PDRG1: variants seen among roughly 807,000 people sequenced by gnomAD.
The protein encoded by PDRG1 is p53 and DNA damage-regulated protein 1.
A neutral mutation model predicts 18.4 loss-of-function variants in PDRG1; 14 were observed. The observed-to-expected ratio is 0.76, with a 90% CI of 0.50 to 1.19. The LOEUF (loss-of-function observed/expected upper bound fraction) is 1.19, where lower values mean the gene tolerates loss of function less well. Ranked by LOEUF, PDRG1 falls within the 50% of genes most tolerant of loss-of-function variation. PDRG1 has a pLI of 0.00. For synonymous variants in PDRG1, 65 were observed against 60.9 expected, an observed-to-expected ratio of 1.07 and a Z score of -0.31; for missense variants, 177 against 160.1, an observed-to-expected ratio of 1.11 and a Z score of -0.57.
intron 1 of PDRG1, among the ~76,000 whole-genome samples, chr20:31,951,142 C>G (rs1038014527): frequency 1.3e-5 from 2 of 152,184 alleles, no homozygotes; most frequent in African/African-American, 2.4e-5. Flanking sequence ...AAGTTTTCCC[C>G]TTCTCAGTAA....
chr20:31,946,606 T>C (rs781136991), intron 3 of PDRG1, 30 bp from the exon 4 acceptor site: 1 of 1,566,810 alleles, frequency 6.4e-7, no homozygotes, highest in African/African-American at 1.4e-5. Flanking sequence ...AAGCAGAGGA[T>C]AAGATTGTAC....
intron 1 of PDRG1, 111 bp from the exon 2 acceptor site, chr20:31,950,498 T>C: frequency 1.3e-6 from 1 of 790,140 alleles, no homozygotes; most frequent in South Asian, 1.5e-5. Context: ...ACATTCAACG[T>C]CCTGCCTAAA....
At chr20:31,951,224 G>C (rs957311923) in intron 1 of PDRG1, among the ~76,000 whole-genome samples, 1 of 152,104 alleles carries the variant, frequency 6.6e-6, no homozygotes, top group African/African-American at 2.4e-5. Context: ...GGCCTACTGA[G>C]TCTGTCTCCA....
chr20:31,948,941 A>C lies in PDRG1; in HGVS notation c.164-59T>G, dbSNP rs199505836. 22 of 1,516,648 alleles carry C rather than the reference A, an allele frequency of 1.5e-5. No individual in the cohort carries two copies. In the East Asian group the frequency reaches 5.0e-4, roughly 34 times the overall value. The allele number at this position is 1,516,648 out of a possible 1,614,324, so 93.9% of individuals were successfully genotyped here. A position where few individuals can be genotyped will look rare whatever the true frequency, so the allele number is the denominator to read the frequency against. On this transcript the variant is annotated intron_variant, in intron 2 of 4. Coordinates refer to ENST00000202017, the MANE Select transcript of PDRG1 (RefSeq NM_030815.3). ...TTTTTTTGAGTACCTATTATCTGCC[A>C]GGCATTGTTTTAGATACAGACAACA...
intron 3 of PDRG1, among the ~76,000 whole-genome samples, chr20:31,948,210 C>G (rs2064330587): frequency 6.6e-6 from 1 of 152,238 alleles, no homozygotes. Context: ...AAAGCTCACT[C>G]TCCCAGGCTC....
Position 31,944,772 on chromosome 20 carries a change from G to A in PDRG1, c.*1035C>T, listed in dbSNP as rs1228868437. On this transcript the variant is annotated 3_prime_UTR_variant, in exon 5 of 5. Coordinates refer to ENST00000202017, the MANE Select transcript of PDRG1 (RefSeq NM_030815.3). ...ACAGCCTGTGTTTCTATGTAACTAT[G>A]AGCCAGAGCCAAGGAGCGGGGGGAC... is the stretch of plus-strand genomic sequence containing the variant. 6.6e-6 allele frequency: 1 copy of A among 152,204 alleles called. No homozygotes were observed. Among genetic ancestry groups the A allele is most frequent in the East Asian group, 1.9e-4 (1 of 5,186 alleles). 9.4% of individuals were successfully genotyped at this position (152,204 alleles called of 1,614,324 possible).
chr20:31,946,549 T>C lies in PDRG1; in HGVS notation c.266A>G (p.Glu89Gly), dbSNP rs1371263255. ...KDQDHLDKEI[E>G]KLRKQLKVKV... ...CACTTTAAGTTGCTTCCGCAGTTTTTCTATTTCTTTATCCAGATGATCTTG... is the reference window on the plus strand; with the variant it reads ...CACTTTAAGTTGCTTCCGCAGTTTTCCTATTTCTTTATCCAGATGATCTTG... Residue 89 changes from glutamate to glycine, a missense_variant, in exon 4 of 5, where the codon GAA becomes GGA. Physicochemically the swap from Glu to Gly is moderately conservative, Grantham distance 98. Transcript: ENST00000202017. 1 of 1,613,390 alleles carries C rather than the reference T, an allele frequency of 6.2e-7. No individual in the cohort carries two copies. Among genetic ancestry groups the C allele is most frequent in the South Asian group, 1.1e-5 (1 of 91,058 alleles).
At chr20:31,949,121 T>C (rs1027373110) in intron 2 of PDRG1, among the ~76,000 whole-genome samples, 35 of 152,188 alleles carry the variant, frequency 2.3e-4, no homozygotes, top group African/African-American at 8.2e-4. Flanking sequence ...TTGTTAATCA[T>C]AGCAGGTAGT....
chr20:31,947,245 CCA>C (rs1035741925), intron 3 of PDRG1, among the ~76,000 whole-genome samples: 2 of 152,192 alleles, frequency 1.3e-5, no homozygotes, highest in African/African-American at 4.8e-5. Flanking sequence ...CCTGTCTTCC[CCA>C]CAGACTCACT....
chr20:31,949,839 C>T (rs2064341178), intron 2 of PDRG1, among the ~76,000 whole-genome samples: 1 of 152,154 alleles, frequency 6.6e-6, no homozygotes, highest in African/African-American at 2.4e-5. Flanking sequence ...GTCTCTGTCC[C>T]TCTCTCCAGC....
rs967195600 is a variant in PDRG1, at chr20:31,945,059, C to G, written c.*748G>C. 3 of 152,244 alleles carry G rather than the reference C, an allele frequency of 2.0e-5. No homozygotes were observed. Among genetic ancestry groups the G allele is most frequent in the African/African-American group, 7.2e-5 (3 of 41,448 alleles). 9.4% of individuals were successfully genotyped at this position (152,244 alleles called of 1,614,324 possible). A position where few individuals can be genotyped will look rare whatever the true frequency, so the allele number is the denominator to read the frequency against. On this transcript the variant is annotated 3_prime_UTR_variant, in exon 5 of 5. Coordinates refer to ENST00000202017, the MANE Select transcript of PDRG1 (RefSeq NM_030815.3). Reference sequence around the variant, plus strand: ...GGGACCTCAGACCACTGAAGGCAGACAGTAACGAGCAGTGCTGGCCGGGCC... The same window carrying G: ...GGGACCTCAGACCACTGAAGGCAGAGAGTAACGAGCAGTGCTGGCCGGGCC...
At position 31,951,950 on chromosome 20, in the gene PDRG1, G is replaced by C; in HGVS notation, c.12C>G (p.Pro4=). The C allele has an allele frequency of 6.3e-7, 1 of 1,575,066 alleles. No homozygotes were observed. Among genetic ancestry groups the C allele is most frequent in the Non-Finnish European group, 8.6e-7 (1 of 1,162,046 alleles). MLS[P]EAERVLRYLV... The stretch of plus-strand genomic sequence containing the variant: ...GGTACCGCAGCACTCGCTCTGCCTC[G>C]GGTGATAGCATAGCGCCCACCAACT... Residue 4 remains proline, a synonymous_variant, in exon 1 of 5, where the codon CCC becomes CCG. Coordinates refer to ENST00000202017, the MANE Select transcript of PDRG1 (RefSeq NM_030815.3).
At chr20:31,949,347 G>A (rs192763757) in intron 2 of PDRG1, among the ~76,000 whole-genome samples, 2 of 152,340 alleles carry the variant, frequency 1.3e-5, no homozygotes, top group East Asian at 3.9e-4. Context: ...CGAGGCAGGT[G>A]GATCACTTGA....
rs868855490 is a variant in PDRG1 at position 31,948,898 on chromosome 20, G to A, written c.164-16C>T. ...ATCACATCTTCTGAAAGAGCAAATA[G>A]TAATTCCTTCAACAATTTTTTTTTG... On this transcript the variant is annotated splice_polypyrimidine_tract_variant and intron_variant, in intron 2 of 4. Transcript: ENST00000202017. 21 of 1,612,348 alleles carry A rather than the reference G, an allele frequency of 1.3e-5. No individual in the cohort carries two copies. In the Middle Eastern group the frequency reaches 1.5e-3, roughly 114 times the overall value.
Position 31,945,791 on chromosome 20 carries a change from T to C in PDRG1, c.*16A>G, listed in dbSNP as rs530218582. 5.0e-6 allele frequency: 8 copies of C among 1,607,182 alleles called. No homozygotes were observed. In the East Asian group the frequency reaches 1.3e-4, roughly 27 times the overall value. ...ACCCTGGGGGGTTGCTGGTCCCCCA[T>C]CTTGGTTCTTGAGTCTCATCCTTTC... On this transcript the variant is annotated 3_prime_UTR_variant, in exon 5 of 5. Coordinates refer to ENST00000202017, the MANE Select transcript of PDRG1 (RefSeq NM_030815.3).
rs372443809 is a variant in PDRG1, at chr20:31,950,402, G to A, written c.88-15C>T. On this transcript the variant is annotated splice_polypyrimidine_tract_variant and intron_variant, in intron 1 of 4. Coordinates refer to ENST00000202017, the MANE Select transcript of PDRG1 (RefSeq NM_030815.3). ...AGGTCCACAATCTGAAAACCACAGG[G>A]ACAGGAGGGAACTCAGCTATCTCTT... 1.9e-5 allele frequency: 30 copies of A among 1,596,442 alleles called. No individual in the cohort carries two copies. The highest frequency in any genetic ancestry group is 2.3e-5 in the Non-Finnish European group (27 of 1,164,060).
intron 2 of PDRG1, 34 bp from the exon 3 acceptor site, chr20:31,948,916 T>G: frequency 6.3e-7 from 1 of 1,594,560 alleles, no homozygotes. Context: ...TTCAACAATT[T>G]TTTTTTGAGT....
chr20:31,951,759 C>T, intron 1 of PDRG1, 116 bp downstream of exon 1: 2 of 1,124,404 alleles, frequency 1.8e-6, no homozygotes, highest in Non-Finnish European at 1.2e-6. Flanking sequence ...TATTTATCGG[C>T]CCAGGTCTGT....
Position 31,946,516 on chromosome 20 carries a change from T to C in PDRG1, c.299A>G (p.Asn100Ser). 2 of 1,612,572 alleles carry C rather than the reference T, an allele frequency of 1.2e-6. No individual in the cohort carries two copies. Among genetic ancestry groups the C allele is most frequent in the South Asian group, 1.1e-5 (1 of 91,022 alleles). Residue 100 changes from asparagine (N) to serine (S), a missense_variant, in exon 4 of 5, where the codon AAC (asparagine) becomes AGC (serine). Asn to Ser is a conservative substitution (Grantham distance 46). Transcript: ENST00000202017. ...KLRKQLKVKVNRLFEAQGKPE... is the reference protein window; with the variant it reads ...KLRKQLKVKVSRLFEAQGKPE... ...AATACCTTGGGCCTCAAAAAGGCGGTTGACCTTCACTTTAAGTTGCTTCCG... is the reference window on the plus strand; with the variant it reads ...AATACCTTGGGCCTCAAAAAGGCGGCTGACCTTCACTTTAAGTTGCTTCCG...
Sources: gnomAD v4.1 joint callset for allele counts (sites outside exome capture counted in the v4.1 genomes callset) on GRCh38, gnomAD v4.1.1 for gene constraint, MANE v1.5 for transcripts, NCBI Gene and HGNC (gene_info 2026-07-23, HGNC 2026-07-21) for gene names.